Variants in SLC47A1 observed in about 807,000 individuals in gnomAD.
SLC47A1 encodes solute carrier family 47 member 1.
SLC47A1 carries 58 observed loss-of-function variants against 65.8 expected under a neutral mutation model. The ratio of observed to expected loss-of-function variants is 0.88; its 90% CI spans 0.71 to 1.10. SLC47A1 has a LOEUF of 1.10. Among genes scored for constraint, SLC47A1 ranks in the 50% least tolerant of loss-of-function variants. The pLI, the probability that SLC47A1 is intolerant of heterozygous loss-of-function variation, is 0.00. For missense variants in SLC47A1, 706 were observed against 719.2 expected (o/e 0.98, Z 0.21); for synonymous variants, 285 against 295.0 (o/e 0.97, Z 0.35).
Position 19,539,625 on chromosome 17 carries a change from C to T in SLC47A1, c.136-2768C>T, listed in dbSNP as rs1916084897. Among the ~76,000 whole-genome samples, 5 of 152,148 alleles carry T rather than the reference C, an allele frequency of 3.3e-5. No homozygotes were observed. The South Asian group carries it at 1.0e-3, about 32-fold the overall frequency. ...TCAGCCTCCCGAGTAGCTGGGATTA[C>T]AGGTGTGCACCACTGCACCCAGCTA... On this transcript the variant is annotated intron_variant, in intron 1 of 16. Coordinates refer to ENST00000270570, the MANE Select transcript of SLC47A1 (RefSeq NM_018242.3).
In SLC47A1 at chr17:19,555,906, A is replaced by G. The variant is rs865799264; in HGVS notation, c.850A>G (p.Ser284Gly). Residue 284 changes from serine to glycine, a missense_variant, in exon 9 of 17, where the codon AGT becomes GGT. Physicochemically the swap from Ser to Gly is moderately conservative, Grantham distance 56 (BLOSUM62 0). Transcript: ENST00000270570. ...WWAYEVGSFL[S>G]GILGMVELGA... ...GGCCTATGAGGTCGGGAGCTTCCTC[A>G]GTGGTCTGTATGAGGATGGATGACG... is the stretch of plus-strand genomic sequence containing the variant. 6.2e-7 allele frequency: 1 copy of G among 1,613,944 alleles called. No homozygotes were observed.
In SLC47A1 at chr17:19,546,184, C is replaced by A. The variant is rs553193773; in HGVS notation, c.238-251C>A. 1.3e-3 allele frequency among the ~76,000 whole-genome samples: 191 copies of A among 152,264 alleles called. 1 individual carries two copies. The highest frequency in any genetic ancestry group is 4.5e-3 in the African/African-American group (187 of 41,552). On this transcript the variant is annotated intron_variant, in intron 2 of 16. Transcript: ENST00000270570. ...GCAGTGAGCCGAGATCGCGCCACTGCACTCCAGCCTGGGCAACAGAGCTAA... is the reference window on the plus strand; with the variant it reads ...GCAGTGAGCCGAGATCGCGCCACTGAACTCCAGCCTGGGCAACAGAGCTAA...
Position 19,577,375 on chromosome 17 carries a change from C to T in SLC47A1, c.1535C>T (p.Thr512Ile). 1 of 1,614,190 alleles carries T rather than the reference C, an allele frequency of 6.2e-7. No homozygotes were observed. Among genetic ancestry groups the T allele is most frequent in the Non-Finnish European group, 8.5e-7 (1 of 1,180,034 alleles). Reference protein sequence around the residue: ...EGILTNDVGKTGEPQSDQQMR... With the variant: ...EGILTNDVGKIGEPQSDQQMR... ...ATTTTAACGAACGATGTTGGAAAGA[C>T]AGGCGAGCCTCAGTCAGATCAGCAG... Residue 512 changes from threonine to isoleucine, a missense_variant, in exon 17 of 17, where the codon ACA becomes ATA. By Grantham distance (89) the Thr-to-Ile change is moderately conservative. Coordinates refer to ENST00000270570, the MANE Select transcript of SLC47A1 (RefSeq NM_018242.3).
At chr17:19,558,163 C>T (rs1190018510) in intron 10 of SLC47A1, among the ~76,000 whole-genome samples, 6 of 152,312 alleles carry the variant, frequency 3.9e-5, no homozygotes, top group Non-Finnish European at 5.9e-5. Context: ...TCCCTTATCA[C>T]TAATTTTCCC....
intron 10 of SLC47A1, among the ~76,000 whole-genome samples, chr17:19,558,486 G>T (rs1399887426): frequency 1.3e-5 from 2 of 149,842 alleles, no homozygotes; most frequent in African/African-American, 4.9e-5. Context: ...TTTTTTTTAA[G>T]ACAGTGTCTT....
chr17:19,553,195 G>C (rs1916501831), intron 6 of SLC47A1, among the ~76,000 whole-genome samples: 2 of 151,996 alleles, frequency 1.3e-5, no homozygotes. Context: ...AGGGTGGAGG[G>C]TGGGAACAGA....
At chr17:19,562,467 A>G (rs182963330) in intron 12 of SLC47A1, among the ~76,000 whole-genome samples, 30 of 152,092 alleles carry the variant, frequency 2.0e-4, no homozygotes, top group African/African-American at 7.2e-4. Context: ...CAGGAGGCTG[A>G]GGCAGGAGAA....
chr17:19,547,647 G>A (rs140038595), intron 3 of SLC47A1, among the ~76,000 whole-genome samples: 53 of 150,736 alleles, frequency 3.5e-4, no homozygotes, highest in African/African-American at 1.2e-3. Context: ...AGCTGAGTTT[G>A]AGAAGCATCT....
intron 12 of SLC47A1, among the ~76,000 whole-genome samples, chr17:19,561,591 T>C (rs1037608022): frequency 4.3e-5 from 6 of 138,852 alleles, no homozygotes; most frequent in East Asian, 2.2e-4. Flanking sequence ...TGCAGTGAGC[T>C]GAGATCCCGC....
chr17:19,565,268 G>A (rs570647984), intron 12 of SLC47A1, among the ~76,000 whole-genome samples: 2 of 152,130 alleles, frequency 1.3e-5, no homozygotes, highest in Admixed American at 1.3e-4. Context: ...ACCAACCTTC[G>A]TTCCATAGAG....
In SLC47A1 at chr17:19,577,429, A is replaced by G. The variant is rs1407607616; in HGVS notation, c.1589A>G (p.His530Arg). The G allele has an allele frequency of 6.2e-7, 1 of 1,614,236 alleles. No individual in the cohort carries two copies. Among genetic ancestry groups the G allele is most frequent in the Admixed American group, 1.7e-5 (1 of 60,026 alleles). Residue 530 changes from histidine (H) to arginine (R), a missense_variant, in exon 17 of 17, where the codon CAT becomes CGT. Physicochemically the swap from His to Arg is conservative, Grantham distance 29. Coordinates refer to ENST00000270570, the MANE Select transcript of SLC47A1 (RefSeq NM_018242.3). ...CGCCAAGAAGAACCTTTGCCGGAAC[A>G]TCCACAGGACGGCGCTAAATTGTCC... ...QMRQEEPLPE[H>R]PQDGAKLSRK...
intron 4 of SLC47A1, among the ~76,000 whole-genome samples, 179 bp from the exon 5 acceptor site, chr17:19,549,456 C>G (rs1006323276): frequency 6.6e-5 from 9 of 136,490 alleles, no homozygotes. Flanking sequence ...CTCGGGATTA[C>G]AGGCTGGGAT....
At position 19,555,788 on chromosome 17, in the gene SLC47A1, C is replaced by G. The variant is rs371966501; in HGVS notation, c.740-8C>G. 6.2e-7 allele frequency: 1 copy of G among 1,613,280 alleles called. No individual in the cohort carries two copies. Among genetic ancestry groups the G allele is most frequent in the Non-Finnish European group, 8.5e-7 (1 of 1,179,816 alleles). On this transcript the variant is annotated splice_polypyrimidine_tract_variant and splice_region_variant and intron_variant, in intron 8 of 16. Coordinates refer to ENST00000270570, the MANE Select transcript of SLC47A1 (RefSeq NM_018242.3). ...GATCTCCTGGAAATGTGTGTGTCCC[C>G]CCCACAGGCTGGTCCCTCGAGTGCC... is the stretch of plus-strand genomic sequence containing the variant.
intron 14 of SLC47A1, among the ~76,000 whole-genome samples, chr17:19,568,924 T>C (rs1357537973): frequency 1.3e-5 from 2 of 151,996 alleles, no homozygotes; most frequent in Admixed American, 6.5e-5. Context: ...GGGGTCTTGC[T>C]ATGTTGCCCA....
chr17:19,563,770 C>T (rs150020530), intron 12 of SLC47A1, among the ~76,000 whole-genome samples: 2,332 of 151,482 alleles, frequency 0.015, 71 homozygotes, highest in African/African-American at 0.051. Context: ...GGGTAGATCA[C>T]GAGGTCAGGA....
In SLC47A1 at chr17:19,558,939, G is replaced by A. The variant is rs114379367; in HGVS notation, c.922-1249G>A. 9.9e-3 allele frequency among the ~76,000 whole-genome samples: 1,498 copies of A among 152,042 alleles called. 20 individuals are homozygous for A. Among genetic ancestry groups the A allele is most frequent in the African/African-American group, 0.034 (1,431 of 41,480 alleles). Reference sequence around the variant, plus strand: ...CTGTGTATCAGATTTTCTTTAAGCTGGTCCATAGTCATCCTGATCCTAAGG... The same window carrying A: ...CTGTGTATCAGATTTTCTTTAAGCTAGTCCATAGTCATCCTGATCCTAAGG... On this transcript the variant is annotated intron_variant, in intron 10 of 16. Coordinates refer to ENST00000270570, the MANE Select transcript of SLC47A1 (RefSeq NM_018242.3).
chr17:19,575,999 G>T lies in SLC47A1; in HGVS notation c.1487-1328G>T, dbSNP rs73981550. Among the ~76,000 whole-genome samples the T allele has an allele frequency of 9.0e-3, 1,371 of 152,182 alleles. 23 individuals are homozygous for T. Among genetic ancestry groups the T allele is most frequent in the African/African-American group, 0.032 (1,316 of 41,544 alleles). On this transcript the variant is annotated intron_variant, in intron 16 of 16. Coordinates refer to ENST00000270570, the MANE Select transcript of SLC47A1 (RefSeq NM_018242.3). ...GTGCTTCTGTTGAGGGATAGTAAATGAGTACTAGGGAAAATGATTGAATAT... is the reference window on the plus strand; with the variant it reads ...GTGCTTCTGTTGAGGGATAGTAAATTAGTACTAGGGAAAATGATTGAATAT...
chr17:19,534,145 G>T, intron 1 of SLC47A1, 71 bp downstream of exon 1: 3 of 1,427,670 alleles, frequency 2.1e-6, no homozygotes, highest in Non-Finnish European at 2.8e-6. Context: ...GCCTCCGCGG[G>T]TGACTTTGGC....
intron 1 of SLC47A1, among the ~76,000 whole-genome samples, chr17:19,540,914 G>T (rs186896848): frequency 1.3e-5 from 2 of 151,752 alleles, no homozygotes; most frequent in East Asian, 3.9e-4. Flanking sequence ...TGCTCTGAAG[G>T]TCTGGGCCCA....
Sources: allele counts gnomAD v4.1 joint callset (sites outside exome capture counted in the v4.1 genomes callset), GRCh38; gene constraint gnomAD v4.1.1; transcripts MANE v1.5; gene names NCBI Gene and HGNC (gene_info 2026-07-23, HGNC 2026-07-21).